Variants in FREM2 observed in about 807,000 individuals in gnomAD.
FREM2 encodes FRAS1-related extracellular matrix protein 2.
FREM2 carries 119 observed loss-of-function variants against 219.9 expected under a neutral mutation model. The ratio of observed to expected loss-of-function variants is 0.54; its 90% CI spans 0.47 to 0.63. FREM2 has a LOEUF of 0.63. Among genes scored for constraint, FREM2 ranks in the 30% least tolerant of loss-of-function variants. FREM2 has a pLI of 0.00. For synonymous variants in FREM2, 1,562 were observed against 1,522.8 expected, an observed-to-expected ratio of 1.03 and a Z score of -0.60; for missense variants, 4,030 against 3,993.6, an observed-to-expected ratio of 1.01 and a Z score of -0.25.
intron 1 of FREM2, among the ~76,000 whole-genome samples, chr13:38,695,763 C>T (rs1870084335): frequency 6.6e-6 from 1 of 151,760 alleles, no homozygotes; most frequent in South Asian, 2.1e-4. Flanking sequence ...TGTGTAGGGG[C>T]TTCAGTTCTT....
At chr13:38,844,306 G>T (rs557018794) in intron 6 of FREM2, among the ~76,000 whole-genome samples, 38 of 151,996 alleles carry the variant, frequency 2.5e-4, no homozygotes, top group African/African-American at 8.9e-4. Flanking sequence ...TCTTGCTTAC[G>T]TACACACTTG....
Position 38,880,824 on chromosome 13 carries a change from C to A in FREM2, c.*37C>A. 1 of 1,610,664 alleles carries A rather than the reference C, an allele frequency of 6.2e-7. No homozygotes were observed. Among genetic ancestry groups the A allele is most frequent in the South Asian group, 1.1e-5 (1 of 90,882 alleles). On this transcript the variant is annotated 3_prime_UTR_variant, in exon 24 of 24. Coordinates refer to ENST00000280481, the MANE Select transcript of FREM2 (RefSeq NM_207361.6). ...AGAATTCAACCTTTTCCGTAAGTGC[C>A]TCGGAAAAGATCACAATGGAACCTT... is the stretch of plus-strand genomic sequence containing the variant.
intron 3 of FREM2, among the ~76,000 whole-genome samples, chr13:38,768,084 G>A (rs1373796708): frequency 1.3e-5 from 2 of 152,130 alleles, no homozygotes; most frequent in Non-Finnish European, 2.9e-5. Flanking sequence ...GCCTGGCATG[G>A]AATAAGTACT....
intron 2 of FREM2, among the ~76,000 whole-genome samples, chr13:38,705,793 TTTTC>T (rs1387106508): frequency 1.3e-5 from 2 of 152,170 alleles, no homozygotes; most frequent in African/African-American, 4.8e-5. Flanking sequence ...TGTTCTTTAT[TTTTC>T]TTTCTTTATT....
At chr13:38,755,050 G>A (rs978629663) in intron 2 of FREM2, among the ~76,000 whole-genome samples, 2 of 151,758 alleles carry the variant, frequency 1.3e-5, no homozygotes, top group South Asian at 2.1e-4. Flanking sequence ...TTACAGGCAG[G>A]CACCATCACA....
At chr13:38,813,675 T>C (rs1034664821) in intron 6 of FREM2, among the ~76,000 whole-genome samples, 1 of 149,078 alleles carries the variant, frequency 6.7e-6, no homozygotes, top group Non-Finnish European at 1.5e-5. Flanking sequence ...CTTGAGGTAG[T>C]CTCCTTTGGG....
rs768328161 is a variant in FREM2 at position 38,878,941 on chromosome 13, T to C, written c.8970T>C (p.Ser2990=). The C allele has an allele frequency of 2.2e-5, 36 of 1,614,056 alleles. No individual in the cohort carries two copies. The highest frequency in any genetic ancestry group is 2.9e-5 in the Non-Finnish European group (34 of 1,180,008). ...EAILLVNQPG[S]DGFKVDSTPL... ...TTCTCTTAGTGAATCAGCCTGGATCTGATGGATTTAAAGTCGACTCAACAC... is the reference window on the plus strand; with the variant it reads ...TTCTCTTAGTGAATCAGCCTGGATCCGATGGATTTAAAGTCGACTCAACAC... Residue 2990 remains serine (S), a synonymous_variant, in exon 23 of 24, where the codon TCT becomes TCC. Transcript: ENST00000280481.
intron 6 of FREM2, among the ~76,000 whole-genome samples, chr13:38,810,028 A>C (rs1222127201): frequency 2.0e-5 from 3 of 151,904 alleles, no homozygotes; most frequent in African/African-American, 7.2e-5. Flanking sequence ...TTTGTTGTAG[A>C]GCTCTTTCAT....
intron 6 of FREM2, among the ~76,000 whole-genome samples, chr13:38,792,789 C>T (rs764883765): frequency 2.0e-5 from 3 of 151,878 alleles, no homozygotes; most frequent in African/African-American, 7.3e-5. Flanking sequence ...TTTAATCATT[C>T]GATTTTCATT....
intron 16 of FREM2, among the ~76,000 whole-genome samples, chr13:38,866,159 T>C (rs1298815845): frequency 6.6e-6 from 1 of 152,156 alleles, no homozygotes; most frequent in Non-Finnish European, 1.5e-5. Flanking sequence ...CAAAATTGGA[T>C]ATAGAAATAG....
rs79259013 is a variant in FREM2, at chr13:38,697,490, A to G, written c.5174-208A>G. On this transcript the variant is annotated intron_variant, in intron 1 of 23. Transcript: ENST00000280481. Reference sequence around the variant, plus strand: ...TATTATAAACTAACTCTTGCACTGTATTTATCTGTGTGAGGGATCAGGTGT... The same window carrying G: ...TATTATAAACTAACTCTTGCACTGTGTTTATCTGTGTGAGGGATCAGGTGT... Among the ~76,000 whole-genome samples the G allele has an allele frequency of 1.1e-3, 175 of 152,284 alleles. 3 individuals carry two copies. In the East Asian group the frequency reaches 0.021, roughly 19 times the overall value.
chr13:38,735,952 A>G (rs911742978), intron 2 of FREM2, among the ~76,000 whole-genome samples: 2 of 152,170 alleles, frequency 1.3e-5, no homozygotes, highest in African/African-American at 4.8e-5. Context: ...TGACATCCCC[A>G]TGTCTTTAGG....
At chr13:38,869,877 G>T (rs1046834371) in intron 16 of FREM2, among the ~76,000 whole-genome samples, 1 of 152,126 alleles carries the variant, frequency 6.6e-6, no homozygotes, top group Non-Finnish European at 1.5e-5. Flanking sequence ...GAAGACTGCA[G>T]ATCATTTGAT....
chr13:38,846,646 G>C lies in FREM2; in HGVS notation c.6093G>C (p.Trp2031Cys), dbSNP rs1303977959. ...ESAGYVEVQV[W>C]RTGTDLSKSS... ...CTGGCTATGTGGAAGTGCAGGTGTG[G>C]AGAACGGGCACTGACCTGTCCAAGT... The change falls in exon 7 of 24, where the codon TGG (tryptophan) becomes TGC (cysteine). Residue 2031 changes from tryptophan to cysteine, a missense_variant. This residue lies in a region of FREM2 where 3,102 missense variants were observed against 2,950.7 expected (regional missense o/e 1.05). Transcript: ENST00000280481. The C allele has an allele frequency of 6.2e-7, 1 of 1,613,698 alleles. No individual in the cohort carries two copies. Among genetic ancestry groups the C allele is most frequent in the African/African-American group, 1.3e-5 (1 of 74,896 alleles).
At chr13:38,747,395 A>ATGTGTG (rs71917471) in intron 2 of FREM2, among the ~76,000 whole-genome samples, 36,603 of 142,712 alleles carry the variant, frequency 0.26, 5,098 homozygotes, top group East Asian at 0.47. Flanking sequence ...CTGATATAAT[A>ATGTGTG]TGTGTGTGTG....
At position 38,757,588 on chromosome 13, in the gene FREM2, CCTCTTTTTTTTT is replaced by C. The variant is rs1273044198; in HGVS notation, c.5264-6703_5264-6692del. On this transcript the variant is annotated intron_variant, in intron 2 of 23. Transcript: ENST00000280481. ...CGTCCTGGGTCTTTGTCATGCCACT[CCTCTTTTTTTTT>C]CTCTTTTTTTTTTACATGATGTCTT... is the stretch of plus-strand genomic sequence containing the variant. 1.8e-4 allele frequency among the ~76,000 whole-genome samples: 27 copies of C among 151,876 alleles called. No homozygotes were observed. In the East Asian group the frequency reaches 5.0e-3, roughly 28 times the overall value.
chr13:38,848,301 T>C (rs1307771714), intron 7 of FREM2, among the ~76,000 whole-genome samples, 160 bp from the exon 8 acceptor site: 3 of 152,248 alleles, frequency 2.0e-5, no homozygotes, highest in Admixed American at 2.0e-4. Flanking sequence ...GTTATCCAGA[T>C]ACTAATCTTT....
intron 11 of FREM2, among the ~76,000 whole-genome samples, chr13:38,853,726 A>G (rs747615757): frequency 3.9e-5 from 6 of 152,262 alleles, no homozygotes; most frequent in Non-Finnish European, 7.3e-5. Flanking sequence ...AACAAAATAT[A>G]TATTTGAAAT....
At chr13:38,863,459 CTG>C (rs1342522861) in intron 15 of FREM2, among the ~76,000 whole-genome samples, 2 of 152,076 alleles carry the variant, frequency 1.3e-5, no homozygotes, top group African/African-American at 4.8e-5. Context: ...TAAATTAAAA[CTG>C]AGGAATTGTT....
Sources: gnomAD v4.1 joint callset for allele counts (sites outside exome capture counted in the v4.1 genomes callset) on GRCh38, gnomAD v4.1.1 for gene constraint, gnomAD v4.1.1 regional missense constraint, MANE v1.5 for transcripts, NCBI Gene and HGNC (gene_info 2026-07-23, HGNC 2026-07-21) for gene names.